The following FCRL3 variants were observed in gnomAD, a reference collection of about 807,000 sequenced individuals.
FCRL3 encodes Fc receptor-like protein 3.
A neutral mutation model predicts 75.0 loss-of-function variants in FCRL3; 89 were observed. That is an observed-to-expected ratio of 1.19 (90% CI 1.00 to 1.42). The LOEUF (loss-of-function observed/expected upper bound fraction) is 1.42. FCRL3 is among the 40% of genes most tolerant of loss of function. FCRL3 has a pLI of 0.00. For synonymous variants in FCRL3, 376 were observed against 348.5 expected (o/e 1.08, Z -0.88); for missense variants, 946 against 880.0 (o/e 1.07, Z -0.95).
chr1:157,690,664 C>A (rs1012000810), intron 8 of FCRL3, 131 bp from the exon 9 acceptor site: 12 of 1,128,826 alleles, frequency 1.1e-5, no homozygotes, highest in Non-Finnish European at 1.5e-5. Context: ...GGGCTTCAAT[C>A]CTGTCTCTAT....
rs576445984 is a variant in FCRL3, at chr1:157,685,556, C to CT, written c.1811-2313dup. ...AGAAAACTGACAAAGAAACTCTGGA[C>CT]TTTGTCAGAAAACTGACAAAGAAAC... On this transcript the variant is annotated intron_variant, in intron 10 of 14. Transcript: ENST00000368184. Among the ~76,000 whole-genome samples the CT allele has an allele frequency of 1.4e-4, 22 of 152,190 alleles. No homozygotes were observed. The South Asian group carries it at 4.1e-3, about 29-fold the overall frequency.
In FCRL3 at chr1:157,676,868, C is replaced by T. The variant is rs764307186; in HGVS notation, c.*1842G>A. ...TGGCAAGGTAATTCCAAATCAGCAG[C>T]AGGGTTAGAAAGGAGGAGAGCCTCC... is the stretch of plus-strand genomic sequence containing the variant. On this transcript the variant is annotated 3_prime_UTR_variant, in exon 15 of 15. Transcript: ENST00000368184. 35 of 1,527,062 alleles carry T rather than the reference C, an allele frequency of 2.3e-5. No homozygotes were observed. Among genetic ancestry groups the T allele is most frequent in the Middle Eastern group, 1.7e-4 (1 of 5,866 alleles). 94.6% of individuals were successfully genotyped at this position (1,527,062 alleles called of 1,614,324 possible).
intron 14 of FCRL3, 22 bp from the exon 15 acceptor site, chr1:157,678,878 G>A (rs771640741): frequency 6.2e-6 from 10 of 1,613,916 alleles, no homozygotes; most frequent in Non-Finnish European, 8.5e-6. Flanking sequence ...AAACACAAAA[G>A]GTAAGTACCT....
At position 157,678,724 on chromosome 1, in the gene FCRL3, C is replaced by A; in HGVS notation, c.2191G>T (p.Ala731Ser). The change falls in exon 15 of 15, where the codon GCC becomes TCC. Residue 731 changes from alanine to serine, a missense_variant. Coordinates refer to ENST00000368184, the MANE Select transcript of FCRL3 (RefSeq NM_052939.4). ...TGGGTAAGGGGCTAGTGGTCTGAGG[C>A]CAGTAATACACGTGGTACATTCTCA... ...NYENVPRVLL[A>S]SDH 1.2e-6 allele frequency: 2 copies of A among 1,613,526 alleles called. No homozygotes were observed. The highest frequency in any genetic ancestry group is 2.2e-5 in the South Asian group (2 of 91,062).
Position 157,696,097 on chromosome 1 carries a change from C to T in FCRL3, c.1075G>A (p.Ala359Thr). Residue 359 changes from alanine to threonine, a missense_variant, in exon 7 of 15, where the codon GCA (alanine) becomes ACA (threonine). Coordinates refer to ENST00000368184, the MANE Select transcript of FCRL3 (RefSeq NM_052939.4). ...ATGGGGCTGTGAACGTTATCAGCTG[C>T]ACAGTAGTATCTCCCTGCATCACTC... The part of the protein sequence containing the change: ...KESDAGRYYC[A>T]ADNVHSPILS... The T allele has an allele frequency of 1.2e-6, 2 of 1,613,724 alleles. No individual in the cohort carries two copies. Among genetic ancestry groups the T allele is most frequent in the Non-Finnish European group, 1.7e-6 (2 of 1,179,998 alleles).
In FCRL3 at chr1:157,698,629, C is replaced by A. The variant is rs137945167; in HGVS notation, c.53G>T (p.Gly18Val). The change falls in exon 4 of 15, where the codon GGG becomes GTG. Residue 18 changes from glycine to valine, a missense_variant and splice_region_variant. Gly to Val is a moderately radical substitution (Grantham distance 109). Transcript: ENST00000368184. ...LILTPGREQS[G>V]VAPKAVLLLN... ...GAGAAGTACAGCTTTTGGGGCCACC[C>A]CTAAACAGGAAATAGAAAGATGAAG... 555 of 1,613,890 alleles carry A rather than the reference C, an allele frequency of 3.4e-4. 1 individual carries two copies. Among genetic ancestry groups the A allele is most frequent in the South Asian group, 1.2e-3 (112 of 91,064 alleles).
chr1:157,683,946 C>T (rs936188007), intron 10 of FCRL3, among the ~76,000 whole-genome samples: 3 of 152,048 alleles, frequency 2.0e-5, no homozygotes, highest in Non-Finnish European at 4.4e-5. Context: ...TTTCTATTTG[C>T]CTCTATTTCT....
At chr1:157,693,274 CA>C (rs375572340) in intron 8 of FCRL3, among the ~76,000 whole-genome samples, 1,215 of 54,726 alleles carry the variant, frequency 0.022, 7 homozygotes, top group African/African-American at 0.073. Flanking sequence ...GACTCCATCT[CA>C]AAAAAAAAAA....
Position 157,681,038 on chromosome 1 carries a change from CT to C in FCRL3, c.1899del (p.Glu634SerfsTer8). On this transcript the variant is annotated frameshift_variant, in exon 12 of 15. Transcript: ENST00000368184. LOFTEE classifies it high-confidence loss of function. ...SSSRPSRIDPQEPTHSKPLAP... is the reference protein window; with the variant it reads ...SSSRPSRIDPXEPTHSKPLAP... ...GCTAGTGGTTTAGAGTGAGTGGGCT[CT>C]TGAGGGTCTATCCTGGAAGGCCTGG... 6.2e-7 allele frequency: 1 copy of C among 1,606,596 alleles called. No individual in the cohort carries two copies. Among genetic ancestry groups the C allele is most frequent in the Non-Finnish European group, 8.5e-7 (1 of 1,177,614 alleles).
chr1:157,681,208 A>C (rs1045422086), intron 11 of FCRL3, 109 bp from the exon 12 acceptor site: 1 of 607,560 alleles, frequency 1.6e-6, no homozygotes, highest in Non-Finnish European at 2.6e-6. Flanking sequence ...TCAAGTAAAA[A>C]TATTGTGTCT....
rs1430451267 is a variant in FCRL3 at position 157,690,961 on chromosome 1, A to G, written c.1412-428T>C. ...ACTCTCTACCTAATCACCTTGCTTT[A>G]TTTTTCTACATAGCATTTAGCACTA... On this transcript the variant is annotated intron_variant, in intron 8 of 14. Coordinates refer to ENST00000368184, the MANE Select transcript of FCRL3 (RefSeq NM_052939.4). 2.6e-5 allele frequency among the ~76,000 whole-genome samples: 4 copies of G among 151,938 alleles called. No individual in the cohort carries two copies. In the East Asian group the frequency reaches 7.7e-4, roughly 29 times the overall value.
intron 11 of FCRL3, among the ~76,000 whole-genome samples, chr1:157,682,154 G>C (rs1654894206): frequency 6.6e-6 from 1 of 152,198 alleles, no homozygotes; most frequent in Admixed American, 6.5e-5. Flanking sequence ...CCGTTTGTCA[G>C]ATGAGTAGGT....
At position 157,700,567 on chromosome 1, in the gene FCRL3, G is replaced by C; in HGVS notation, c.-78C>G. 3 of 1,611,834 alleles carry C rather than the reference G, an allele frequency of 1.9e-6. No homozygotes were observed. The highest frequency in any genetic ancestry group is 2.5e-6 in the Non-Finnish European group (3 of 1,179,022). On this transcript the variant is annotated 5_prime_UTR_variant, in exon 2 of 15. Transcript: ENST00000368184. Reference sequence around the variant, plus strand: ...TTATCTCCAAGAAGGAGGGCAGGAAGCTGCTACTCAGATGAGACCTGCAAG... The same window carrying C: ...TTATCTCCAAGAAGGAGGGCAGGAACCTGCTACTCAGATGAGACCTGCAAG...
chr1:157,688,821 A>G (rs1200038541), intron 10 of FCRL3, among the ~76,000 whole-genome samples: 1 of 152,212 alleles, frequency 6.6e-6, no homozygotes, highest in Non-Finnish European at 1.5e-5. Flanking sequence ...AAATTTTAGC[A>G]AATCAAATCA....
Position 157,696,255 on chromosome 1 carries a change from AC to A in FCRL3, c.916del (p.Val306SerfsTer6). ...ACCCTGGGCTACTGAGCAAATAAGGACCATATTTTCTCCTTCAATCAGCTGC... is the reference window on the plus strand; with the variant it reads ...ACCCTGGGCTACTGAGCAAATAAGGACATATTTTCTCCTTCAATCAGCTGC... Reference protein sequence around the residue: ...GGQLIEGENMVLICSVAQGSG... With the variant: ...GGQLIEGENMXLICSVAQGSG... On this transcript the variant is annotated frameshift_variant, in exon 7 of 15. Transcript: ENST00000368184. LOFTEE classifies it high-confidence loss of function. 3.1e-6 allele frequency: 5 copies of A among 1,613,946 alleles called. No homozygotes were observed.
Position 157,678,458 on chromosome 1 carries a change from G to A in FCRL3, c.*252C>T. Reference sequence around the variant, plus strand: ...TCTATTCGACAGCCCTAGGAGCTGAGGGCCCTCCTGCCTTGCCACGTGTCT... The same window carrying A: ...TCTATTCGACAGCCCTAGGAGCTGAAGGCCCTCCTGCCTTGCCACGTGTCT... On this transcript the variant is annotated 3_prime_UTR_variant, in exon 15 of 15. Coordinates refer to ENST00000368184, the MANE Select transcript of FCRL3 (RefSeq NM_052939.4). 1 of 1,351,172 alleles carries A rather than the reference G, an allele frequency of 7.4e-7. No homozygotes were observed. Among genetic ancestry groups the A allele is most frequent in the Non-Finnish European group, 9.5e-7 (1 of 1,049,254 alleles). 83.7% of individuals were successfully genotyped at this position (1,351,172 alleles called of 1,614,324 possible).
intron 3 of FCRL3, 38 bp downstream of exon 3, chr1:157,699,654 T>A (rs750754315): frequency 2.5e-6 from 4 of 1,612,512 alleles, no homozygotes; most frequent in Non-Finnish European, 2.5e-6. Context: ...GGGACCAATA[T>A]CCAGAGACCA....
chr1:157,685,775 T>C (rs188445618), intron 10 of FCRL3, among the ~76,000 whole-genome samples: 1 of 151,950 alleles, frequency 6.6e-6, no homozygotes, highest in South Asian at 2.1e-4. Context: ...GCAATAAAAA[T>C]AGAAATAAAT....
chr1:157,700,762 A>C lies in FCRL3; in HGVS notation c.-197T>G. 4 of 1,322,688 alleles carry C rather than the reference A, an allele frequency of 3.0e-6. No individual in the cohort carries two copies. The highest frequency in any genetic ancestry group is 3.9e-6 in the Non-Finnish European group (4 of 1,029,894). The allele number at this position is 1,322,688 out of a possible 1,614,324, so 81.9% of individuals were successfully genotyped here. A position where few individuals can be genotyped will look rare whatever the true frequency, so the allele number is the denominator to read the frequency against. On this transcript the variant is annotated 5_prime_UTR_variant, in exon 1 of 15. Transcript: ENST00000368184. ...GCAGTCTCTCAGGAGTAATGTCTCC[A>C]AGACTGTGCCTGGGTTCTCTAGAAA... is the stretch of plus-strand genomic sequence containing the variant.
Sources: gnomAD v4.1 joint callset for allele counts (sites outside exome capture counted in the v4.1 genomes callset) on GRCh38, gnomAD v4.1.1 for gene constraint, MANE v1.5 for transcripts, NCBI Gene and HGNC (gene_info 2026-07-23, HGNC 2026-07-21) for gene names.